The following WDPCP variants were observed in gnomAD, a reference collection of about 807,000 sequenced individuals.
WDPCP encodes the protein WD repeat containing planar cell polarity effector, also known as WD repeat-containing and planar cell polarity effector protein fritz homolog.
WDPCP carries 71 observed loss-of-function variants against 93.1 expected under a neutral mutation model. The observed-to-expected ratio is 0.76, with a 90% CI of 0.63 to 0.93. The LOEUF (loss-of-function observed/expected upper bound fraction) is 0.93. Ranked by LOEUF, WDPCP falls within the 40% of genes least tolerant of loss-of-function variation. The probability of loss-of-function intolerance (pLI) is 0.00; values close to 1 mark genes in which losing one functional copy is unlikely to be tolerated. For synonymous variants in WDPCP, 315 were observed against 315.0 expected (o/e 1.00, Z 0.00); for missense variants, 844 against 887.4 (o/e 0.95, Z 0.62).
At chr2:63,379,264 C>T (rs539618732) in intron 11 of WDPCP, among the ~76,000 whole-genome samples, 2 of 152,222 alleles carry the variant, frequency 1.3e-5, no homozygotes, top group African/African-American at 2.4e-5. Context: ...AGAGTATGTA[C>T]GAGAACACTA....
At chr2:63,429,565 G>A (rs1416790620) in intron 9 of WDPCP, among the ~76,000 whole-genome samples, 3 of 152,022 alleles carry the variant, frequency 2.0e-5, no homozygotes, top group Non-Finnish European at 2.9e-5. Context: ...CATACAAATC[G>A]CCAACAAACA....
At chr2:63,182,717 G>C (rs989432852) in intron 14 of WDPCP, among the ~76,000 whole-genome samples, 1 of 151,250 alleles carries the variant, frequency 6.6e-6, no homozygotes, top group African/African-American at 2.4e-5. Context: ...AGAGGGCATT[G>C]GTACCAGTTC....
chr2:63,515,450 T>C (rs1351273966), intron 1 of WDPCP, among the ~76,000 whole-genome samples: 9 of 152,204 alleles, frequency 5.9e-5, no homozygotes, highest in Non-Finnish European at 1.2e-4. Context: ...AAAGGTTGAA[T>C]GCTGTTACAA....
At chr2:63,608,926 T>A (rs1017692274) in intron 3 of WDPCP, among the ~76,000 whole-genome samples, 1 of 152,192 alleles carries the variant, frequency 6.6e-6, no homozygotes, top group Non-Finnish European at 1.5e-5. Context: ...AAATTTCATA[T>A]AGAATGAACA....
chr2:63,272,078 C>T (rs559235515), intron 13 of WDPCP, among the ~76,000 whole-genome samples: 4 of 152,262 alleles, frequency 2.6e-5, no homozygotes, highest in Admixed American at 1.3e-4. Context: ...GCATATGTCA[C>T]CTGGGGGTCC....
At chr2:63,141,185 TCTCCTGTCTCAGC>T (rs1382202250) in intron 17 of WDPCP, among the ~76,000 whole-genome samples, 1 of 152,092 alleles carries the variant, frequency 6.6e-6, no homozygotes, top group Non-Finnish European at 1.5e-5. Context: ...TTCAAGCGAT[TCTCCTGTCTCAGC>T]CTCCCGAGTA....
intron 3 of WDPCP, chr2:63,594,472 G>C: frequency 6.3e-7 from 1 of 1,578,932 alleles, no homozygotes; most frequent in African/African-American, 1.3e-5. Flanking sequence ...ATGTTAATGG[G>C]TCTTTTTCAT....
chr2:63,746,648 A>G (rs905246348), intron 2 of WDPCP, among the ~76,000 whole-genome samples: 2 of 152,112 alleles, frequency 1.3e-5, no homozygotes, highest in East Asian at 1.9e-4. Flanking sequence ...ATGCAGATGT[A>G]GATAGGGATG....
chr2:63,541,393 T>A lies in WDPCP; in HGVS notation c.75+46804A>T, dbSNP rs929184011. On this transcript the variant is annotated intron_variant, in intron 1 of 17. Coordinates refer to ENST00000272321, the MANE Select transcript of WDPCP (RefSeq NM_015910.7). ...GCAATACAGTGTATAATAAAATAAG[T>A]TACAATTATACATGGTTTTTCATTT... 1.8e-4 allele frequency among the ~76,000 whole-genome samples: 27 copies of A among 152,300 alleles called. No individual in the cohort carries two copies. The East Asian group carries it at 5.0e-3, about 28-fold the overall frequency.
intron 14 of WDPCP, among the ~76,000 whole-genome samples, chr2:63,218,964 C>G (rs1444145632): frequency 6.6e-6 from 1 of 152,148 alleles, no homozygotes; most frequent in African/African-American, 2.4e-5. Context: ...AAACCTGACA[C>G]AAAACAATAG....
intron 1 of WDPCP, among the ~76,000 whole-genome samples, chr2:63,819,069 C>G (rs1056036612): frequency 1.3e-5 from 2 of 152,096 alleles, no homozygotes; most frequent in Non-Finnish European, 2.9e-5. Flanking sequence ...CCATATATCA[C>G]AGTTTAAATC....
At chr2:63,711,527 T>C (rs1669264547) in intron 2 of WDPCP, 1 of 152,056 alleles carries the variant, frequency 6.6e-6, no homozygotes, top group South Asian at 2.1e-4. Flanking sequence ...GAGGCCAAGG[T>C]TGGAGGATCG....
chr2:63,312,501 A>G (rs1023455517), intron 13 of WDPCP, among the ~76,000 whole-genome samples: 1 of 152,234 alleles, frequency 6.6e-6, no homozygotes, highest in Admixed American at 6.5e-5. Flanking sequence ...AGGCAAAAGC[A>G]CCTTCTAGAA....
rs546003825 is a variant in WDPCP at position 63,654,749 on chromosome 2, C to A, written n.309-3911G>T. On this transcript the variant is annotated intron_variant and non_coding_transcript_variant, in intron 2 of 4. Coordinates refer to the WDPCP transcript ENST00000467687. ...CCGTCCCCTACATACTTTAAATCATCTCTGGATTACCGATAATACCTAGTA... is the reference window on the plus strand; with the variant it reads ...CCGTCCCCTACATACTTTAAATCATATCTGGATTACCGATAATACCTAGTA... Among the ~76,000 whole-genome samples the A allele has an allele frequency of 2.0e-5, 3 of 152,288 alleles. No homozygotes were observed. The South Asian group carries it at 6.2e-4, about 32-fold the overall frequency.
intron 12 of WDPCP, among the ~76,000 whole-genome samples, chr2:63,348,656 A>T (rs752950892): frequency 6.6e-6 from 1 of 152,184 alleles, no homozygotes. Flanking sequence ...ATGACTACGG[A>T]TATTATAATT....
chr2:63,433,600 G>C (rs962624453), intron 9 of WDPCP, 145 bp downstream of exon 9: 2 of 879,934 alleles, frequency 2.3e-6, no homozygotes, highest in African/African-American at 3.4e-5. Context: ...AATTGTCTGG[G>C]TATCTTCTAG....
intron 9 of WDPCP, among the ~76,000 whole-genome samples, chr2:63,421,512 G>A (rs1695857364): frequency 6.6e-6 from 1 of 152,162 alleles, no homozygotes; most frequent in African/African-American, 2.4e-5. Flanking sequence ...ATGCAGAAAG[G>A]ATAGTCTTCT....
intron 6 of WDPCP, among the ~76,000 whole-genome samples, chr2:63,483,568 T>C (rs1008582045): frequency 6.6e-6 from 1 of 151,862 alleles, no homozygotes; most frequent in African/African-American, 2.4e-5. Flanking sequence ...TGATAGTATA[T>C]ATATTCAAAT....
At chr2:63,744,759 G>A (rs528226725) in intron 2 of WDPCP, among the ~76,000 whole-genome samples, 51 of 151,988 alleles carry the variant, frequency 3.4e-4, no homozygotes, top group Non-Finnish European at 6.2e-4. Flanking sequence ...ACAACCCAGA[G>A]AAAACCCTCT....
Sources: gnomAD v4.1 joint callset for allele counts (sites outside exome capture counted in the v4.1 genomes callset) on GRCh38, gnomAD v4.1.1 for gene constraint, MANE v1.5 for transcripts, NCBI Gene and HGNC (gene_info 2026-07-23, HGNC 2026-07-21) for gene names.